OCM2: variants seen among roughly 807,000 people sequenced by gnomAD.
OCM2 encodes the protein oncomodulin 2.
OCM2 carries 6 observed loss-of-function variants against 13.6 expected under a neutral mutation model. The ratio of observed to expected loss-of-function variants is 0.44; its 90% CI spans 0.24 to 0.87. The LOEUF (loss-of-function observed/expected upper bound fraction) is 0.87, where lower values mean the gene tolerates loss of function less well. Among genes scored for constraint, OCM2 ranks in the 40% least tolerant of loss-of-function variants. The pLI, the probability that OCM2 is intolerant of heterozygous loss-of-function variation, is 0.22. For missense variants in OCM2, 118 were observed against 136.8 expected (o/e 0.86, Z 0.68); for synonymous variants, 40 against 50.7 (o/e 0.79, Z 0.90).
At chr7:97,987,104 T>C in exon 3 of OCM2, 1 of 1,613,980 alleles carries the variant, frequency 6.2e-7, no homozygotes. Context: ...AAGGACTTGG[T>C]TTCTGACTCG....
chr7:97,990,030 C>CCCCACCCCACAAAAAAAGAA lies in OCM2; in HGVS notation c.61+13_61+14insTTCTTTTTTTGTGGGGTGGG. 1 of 1,571,176 alleles carries CCCCACCCCACAAAAAAAGAA rather than the reference C, an allele frequency of 6.4e-7. No homozygotes were observed. Among genetic ancestry groups the CCCCACCCCACAAAAAAAGAA allele is most frequent in the Non-Finnish European group, 8.8e-7 (1 of 1,141,482 alleles). On this transcript the variant is annotated intron_variant, in intron 1 of 3. Transcript: ENST00000257627. The stretch of plus-strand genomic sequence containing the variant: ...CTGTGAGGAAATCCCACCCCCGCCC[C>CCCCACCCCACAAAAAAAGAA]ACGTCCCCTCTACCTTGGCATTCCT...
rs200702365 is a variant in OCM2 at position 97,988,451 on chromosome 7, G to A, written c.159C>T (p.Asn53=). Reference sequence around the variant, plus strand: ...CTTCATCCAGATACCCGCTCTGGTCGTTGTCTATGAACCGGAAAACATCCT... The same window carrying A: ...CTTCATCCAGATACCCGCTCTGGTCATTGTCTATGAACCGGAAAACATCCT... The change falls in exon 2 of 4, where the codon AAC becomes AAT. Residue 53 remains asparagine (N), a synonymous_variant. Transcript: ENST00000257627. 3.1e-4 allele frequency: 501 copies of A among 1,614,130 alleles called. 2 individuals carry two copies. In the East Asian group the frequency reaches 4.8e-3, roughly 15 times the overall value.
intron 2 of OCM2, 118 bp downstream of exon 2, chr7:97,988,298 G>A (rs1794692208): frequency 7.8e-7 from 1 of 1,281,836 alleles, no homozygotes; most frequent in Non-Finnish European, 1.1e-6. Flanking sequence ...AATGATGCTT[G>A]GCCGAATGAC....
intron 1 of OCM2, among the ~76,000 whole-genome samples, chr7:97,989,179 C>T (rs992353477): frequency 8.6e-5 from 13 of 151,866 alleles, no homozygotes; most frequent in African/African-American, 3.1e-4. Flanking sequence ...GATGCACCGG[C>T]CTTGGCCTCC....
intron 1 of OCM2, among the ~76,000 whole-genome samples, chr7:97,988,933 CTT>C (rs67400420): frequency 9.7e-5 from 13 of 134,556 alleles, no homozygotes; most frequent in African/African-American, 1.1e-4. Flanking sequence ...TTCTTTCTTT[CTT>C]TTTTTTTTTT....
intron 1 of OCM2, 66 bp downstream of exon 1, chr7:97,989,978 T>C: frequency 1.3e-6 from 2 of 1,558,110 alleles, no homozygotes; most frequent in South Asian, 1.1e-5. Context: ...CATTTTGATT[T>C]TGTGTTGCCT....
intron 2 of OCM2, among the ~76,000 whole-genome samples, chr7:97,988,167 G>T (rs1441907178): frequency 6.7e-6 from 1 of 150,152 alleles, no homozygotes; most frequent in African/African-American, 2.4e-5. Context: ...CTCCAGCCTG[G>T]GTGACAGTGA....
chr7:97,990,020 A>ACCCCCGCC, intron 1 of OCM2, 24 bp downstream of exon 1: 11 of 644,610 alleles, frequency 1.7e-5, no homozygotes, highest in South Asian at 4.2e-5. Flanking sequence ...AGGAAATCCC[A>ACCCCCGCC]CCCCCGCCCC....
At chr7:97,988,796 C>A (rs939550882) in intron 1 of OCM2, among the ~76,000 whole-genome samples, 2 of 152,082 alleles carry the variant, frequency 1.3e-5, no homozygotes, top group African/African-American at 4.8e-5. Flanking sequence ...TCCTCCTCTC[C>A]TCTGTGCCTC....
At chr7:97,988,188 CA>C (rs66591146) in intron 2 of OCM2, among the ~76,000 whole-genome samples, 34,369 of 146,974 alleles carry the variant, frequency 0.23, 4,589 homozygotes, top group Non-Finnish European at 0.31. Flanking sequence ...GGCCCTGTCT[CA>C]AAAAAAAAAA....
intron 2 of OCM2, among the ~76,000 whole-genome samples, chr7:97,987,358 A>G (rs112827162): frequency 2.0e-3 from 294 of 147,264 alleles, no homozygotes; most frequent in Middle Eastern, 3.6e-3. Context: ...TTGTTTGTTT[A>G]TTTTTGAGAT....
At chr7:97,989,399 T>G (rs1001241628) in intron 1 of OCM2, among the ~76,000 whole-genome samples, 1 of 150,662 alleles carries the variant, frequency 6.6e-6, no homozygotes. Flanking sequence ...ATTTATTTAT[T>G]TATTTATTTA....
rs542994709 is a variant in OCM2 at position 97,985,625 on chromosome 7, C to T, written c.305-642G>A. On this transcript the variant is annotated intron_variant, in intron 3 of 3. Coordinates refer to ENST00000257627, the Ensembl canonical transcript of OCM2. ...TAATGCATGAATTCACTGTAATTAC[C>T]TGTGACCATCTGTGAACATTTAACT... 3.3e-5 allele frequency among the ~76,000 whole-genome samples: 5 copies of T among 152,204 alleles called. No homozygotes were observed. The East Asian group carries it at 9.7e-4, about 29-fold the overall frequency.
intron 1 of OCM2, 125 bp downstream of exon 1, chr7:97,989,919 A>G: frequency 2.3e-6 from 2 of 884,644 alleles, no homozygotes; most frequent in Non-Finnish European, 3.5e-6. Context: ...CAGCCTCCCA[A>G]AGTGCTAGGA....
At position 97,988,742 on chromosome 7, in the gene OCM2, C is replaced by T. The variant is rs568096278; in HGVS notation, c.62-194G>A. Among the ~76,000 whole-genome samples the T allele has an allele frequency of 5.4e-5, 8 of 149,312 alleles. No individual in the cohort carries two copies. In the East Asian group the frequency reaches 5.8e-4, roughly 11 times the overall value. On this transcript the variant is annotated intron_variant, in intron 1 of 3. Transcript: ENST00000257627. ...ATGGCATCCCATGTCCCCTCCGCCC[C>T]GGTCTTCCCTCCTCCACTTGGTTTT...
intron 3 of OCM2, 141 bp downstream of exon 3, chr7:97,986,906 A>T (rs1794677778): frequency 1.4e-6 from 2 of 1,389,556 alleles, no homozygotes; most frequent in East Asian, 5.0e-5. Flanking sequence ...CTTTAGTCTC[A>T]TTTTACAGAT....
chr7:97,986,444 A>G (rs979483599), intron 3 of OCM2, among the ~76,000 whole-genome samples: 2 of 152,214 alleles, frequency 1.3e-5, no homozygotes, highest in East Asian at 1.9e-4. Flanking sequence ...TGCTAGCAAC[A>G]TGACAAAATC....
In OCM2 at chr7:97,988,260, C is replaced by T. The variant is rs147233461; in HGVS notation, c.194+156G>A. Among the ~76,000 whole-genome samples, 1,084 of 152,010 alleles carry T rather than the reference C, an allele frequency of 7.1e-3. 7 individuals carry two copies. Among genetic ancestry groups the T allele is most frequent in the African/African-American group, 0.025 (1,019 of 41,442 alleles). On this transcript the variant is annotated intron_variant, in intron 2 of 3. Transcript: ENST00000257627. ...TGAGGGCTTTGCATGGGTAGATGTG[C>T]GGTCAACTGACTCATGTCCTTTGCT... is the stretch of plus-strand genomic sequence containing the variant.
rs1481577215 is a variant in OCM2 at position 97,988,406 on chromosome 7, C to A, written c.194+10G>T. On this transcript the variant is annotated intron_variant, in intron 2 of 3. Coordinates refer to ENST00000257627, the Ensembl canonical transcript of OCM2. ...TGCCAGGTACCAGACAGCCTCAGGA[C>A]AAAGCTTACTTAAGCTCTTCTTCAT... 5.0e-6 allele frequency: 8 copies of A among 1,613,970 alleles called. No individual in the cohort carries two copies. The African/African-American group carries it at 9.3e-5, about 19-fold the overall frequency.
Sources: allele counts gnomAD v4.1 joint callset (sites outside exome capture counted in the v4.1 genomes callset), GRCh38; gene constraint gnomAD v4.1.1; transcripts MANE v1.5; gene names NCBI Gene and HGNC (gene_info 2026-07-23, HGNC 2026-07-21).